Variants in FAT3 observed in about 807,000 individuals in gnomAD.
FAT3 encodes the protein protocadherin Fat 3.
Under a neutral mutation model 310.2 loss-of-function variants are expected in FAT3, and 95 were observed. The ratio of observed to expected loss-of-function variants is 0.31; its 90% CI spans 0.26 to 0.36. The LOEUF (loss-of-function observed/expected upper bound fraction) is 0.36. Ranked by LOEUF, FAT3 falls within the 10% of genes least tolerant of loss-of-function variation. The probability of loss-of-function intolerance (pLI) is 1.00; values close to 1 mark genes in which losing one functional copy is unlikely to be tolerated. For synonymous variants in FAT3, 2,314 were observed against 2,192.9 expected (o/e 1.06, Z -1.54); for missense variants, 5,408 against 5,715.6 (o/e 0.95, Z 1.74).
intron 3 of FAT3, among the ~76,000 whole-genome samples, chr11:92,668,852 C>T (rs944259650): frequency 2.0e-5 from 3 of 152,174 alleles, no homozygotes; most frequent in Non-Finnish European, 2.9e-5. Context: ...GCCACTTCAG[C>T]ATTGGTGTAA....
At chr11:92,715,384 G>C (rs925154056) in intron 4 of FAT3, among the ~76,000 whole-genome samples, 23 of 151,424 alleles carry the variant, frequency 1.5e-4, no homozygotes, top group African/African-American at 5.3e-4. Context: ...CTGCAGCCTG[G>C]GTGACAGTGC....
intron 1 of FAT3, among the ~76,000 whole-genome samples, chr11:92,295,839 G>A (rs1285803574): frequency 6.6e-6 from 1 of 152,078 alleles, no homozygotes; most frequent in African/African-American, 2.4e-5. Flanking sequence ...CACCTTAGAT[G>A]CTTTTTAAAA....
intron 1 of FAT3, among the ~76,000 whole-genome samples, chr11:92,293,023 A>T (rs1156848033): frequency 6.1e-5 from 1 of 16,512 alleles, no homozygotes; most frequent in African/African-American, 2.0e-4. Flanking sequence ...AAAGGAAGGA[A>T]GGAAGGAAGG....
At chr11:92,518,178 G>A (rs946847529) in intron 2 of FAT3, among the ~76,000 whole-genome samples, 2 of 152,026 alleles carry the variant, frequency 1.3e-5, no homozygotes, top group African/African-American at 4.8e-5. Flanking sequence ...ATACCCAAAG[G>A]ATTATAAATA....
At chr11:92,484,778 C>A (rs1952327060) in intron 2 of FAT3, among the ~76,000 whole-genome samples, 1 of 152,224 alleles carries the variant, frequency 6.6e-6, no homozygotes, top group African/African-American at 2.4e-5. Flanking sequence ...TTCTACGCTG[C>A]ATCTTCAGCT....
Position 92,353,557 on chromosome 11 carries a change from A to G in FAT3, c.1445A>G (p.Asn482Ser), listed in dbSNP as rs1948633090. 3.7e-6 allele frequency: 6 copies of G among 1,613,706 alleles called. No individual in the cohort carries two copies. The highest frequency in any genetic ancestry group is 5.1e-6 in the Non-Finnish European group (6 of 1,179,886). ...FQQPLYDAYV[N>S]ESVPVGTSVL... ...CAACCACTGTATGATGCTTATGTGA[A>G]TGAAAGTGTCCCAGTGGGAACCAGC... The change falls in exon 2 of 28, where the codon AAT becomes AGT. Residue 482 changes from asparagine (N) to serine (S), a missense_variant. Asn to Ser is a conservative substitution (Grantham distance 46, BLOSUM62 1). Transcript: ENST00000525166.
chr11:92,558,468 A>T (rs675654), intron 3 of FAT3, among the ~76,000 whole-genome samples: 82,112 of 151,452 alleles, frequency 0.54, 22,929 homozygotes, highest in East Asian at 0.78. Flanking sequence ...AACCTGCTTT[A>T]GTATTGTGAT....
intron 24 of FAT3, among the ~76,000 whole-genome samples, chr11:92,886,008 A>G (rs1340864818): frequency 6.6e-6 from 1 of 152,196 alleles, no homozygotes; most frequent in African/African-American, 2.4e-5. Flanking sequence ...ACGGAGAGGA[A>G]CAAATGTTCC....
intron 3 of FAT3, among the ~76,000 whole-genome samples, chr11:92,571,029 C>T (rs1271203491): frequency 6.6e-6 from 1 of 152,102 alleles, no homozygotes; most frequent in Non-Finnish European, 1.5e-5. Context: ...GTACCAAAGA[C>T]CGTGCTGGGT....
At chr11:92,402,584 T>A (rs546054866) in intron 2 of FAT3, among the ~76,000 whole-genome samples, 1 of 151,440 alleles carries the variant, frequency 6.6e-6, no homozygotes, top group Non-Finnish European at 1.5e-5. Flanking sequence ...TACAAAAAAA[T>A]TAGCTGGACA....
At chr11:92,446,474 T>C (rs11019961) in intron 2 of FAT3, among the ~76,000 whole-genome samples, 14,369 of 152,150 alleles carry the variant, frequency 0.094, 1,048 homozygotes, top group African/African-American at 0.2. Flanking sequence ...GATTGTTTTA[T>C]TCTCTTTTGG....
intron 1 of FAT3, among the ~76,000 whole-genome samples, chr11:92,340,462 C>G (rs905303886): frequency 6.6e-6 from 1 of 152,196 alleles, no homozygotes; most frequent in African/African-American, 2.4e-5. Flanking sequence ...TGTATTTGAG[C>G]TCACTGAGTT....
chr11:92,525,027 A>G, intron 3 of FAT3, 79 bp downstream of exon 3: 1 of 1,168,358 alleles, frequency 8.6e-7, no homozygotes, highest in Non-Finnish European at 1.2e-6. Context: ...TTCTGTACTC[A>G]TTTACTTTAT....
At chr11:92,885,443 C>T (rs1018238718) in intron 24 of FAT3, among the ~76,000 whole-genome samples, 4 of 152,058 alleles carry the variant, frequency 2.6e-5, no homozygotes, top group Admixed American at 6.6e-5. Flanking sequence ...GGAGGGTGAG[C>T]GGTATTAGAG....
At chr11:92,260,220 AG>A (rs2134303425) in intron 1 of FAT3, among the ~76,000 whole-genome samples, 1 of 152,158 alleles carries the variant, frequency 6.6e-6, no homozygotes, top group African/African-American at 2.4e-5. Flanking sequence ...TTCCAGATTT[AG>A]CAGCTTAAAG....
chr11:92,353,331 G>A lies in FAT3; in HGVS notation c.1219G>A (p.Val407Met), dbSNP rs932438145. ...IVKLSPEPIDVEYKLSPGEDA... is the reference protein window; with the variant it reads ...IVKLSPEPIDMEYKLSPGEDA... ...AAAATTAAGTCCTGAACCGATAGATGTGGAATACAAATTATCTCCTGGTGA... is the reference window on the plus strand; with the variant it reads ...AAAATTAAGTCCTGAACCGATAGATATGGAATACAAATTATCTCCTGGTGA... Residue 407 changes from valine to methionine, a missense_variant, in exon 2 of 28, where the codon GTG becomes ATG. Around this residue, in one of 5 missense-constraint regions of FAT3, gnomAD observed 4,588 missense variants for 4,809.8 expected, o/e 0.95. Coordinates refer to ENST00000525166, the MANE Select transcript of FAT3 (RefSeq NM_001367949.2). The A allele has an allele frequency of 6.2e-7, 1 of 1,613,634 alleles. No individual in the cohort carries two copies.
intron 3 of FAT3, among the ~76,000 whole-genome samples, chr11:92,696,306 T>C (rs906122720): frequency 9.2e-5 from 14 of 152,082 alleles, no homozygotes; most frequent in Non-Finnish European, 1.9e-4. Context: ...TAAACAGCCA[T>C]GTTACTCTGA....
At chr11:92,723,721 A>T (rs1944925657) in intron 4 of FAT3, among the ~76,000 whole-genome samples, 3 of 152,196 alleles carry the variant, frequency 2.0e-5, no homozygotes, top group Non-Finnish European at 4.4e-5. Context: ...GGCACATCTT[A>T]TGTGGTGGCA....
intron 1 of FAT3, among the ~76,000 whole-genome samples, chr11:92,283,649 C>T (rs1442523158): frequency 6.6e-6 from 1 of 152,146 alleles, no homozygotes; most frequent in Non-Finnish European, 1.5e-5. Context: ...AAGTGATGTA[C>T]TTGTCTTACC....
Sources: gnomAD v4.1 joint callset for allele counts (sites outside exome capture counted in the v4.1 genomes callset) on GRCh38, gnomAD v4.1.1 for gene constraint, gnomAD v4.1.1 regional missense constraint, MANE v1.5 for transcripts, NCBI Gene and HGNC (gene_info 2026-07-23, HGNC 2026-07-21) for gene names.